Variants in ZFR2 observed in about 807,000 individuals in gnomAD.
The protein encoded by ZFR2 is zinc finger RNA-binding protein 2.
Under a neutral mutation model 105.7 loss-of-function variants are expected in ZFR2, and 104 were observed. The observed-to-expected ratio is 0.98, with a 90% CI of 0.84 to 1.16. ZFR2 has a LOEUF of 1.16. Among genes scored for constraint, ZFR2 ranks in the 50% most tolerant of loss-of-function variants. The pLI, the probability that ZFR2 is intolerant of heterozygous loss-of-function variation, is 0.00. For missense variants in ZFR2, 1,425 were observed against 1,355.5 expected, an observed-to-expected ratio of 1.05 and a Z score of -0.80; for synonymous variants, 634 against 597.7, an observed-to-expected ratio of 1.06 and a Z score of -0.89.
intron 1 of ZFR2, chr19:3,852,280 C>T: frequency 3.3e-6 from 2 of 603,224 alleles, no homozygotes; most frequent in Non-Finnish European, 6.0e-6. Context: ...GGGTGGCTCT[C>T]CTGGCTGAGG....
At chr19:3,812,421 G>A (rs1027222843) in intron 14 of ZFR2, among the ~76,000 whole-genome samples, 4 of 152,114 alleles carry the variant, frequency 2.6e-5, no homozygotes, top group African/African-American at 9.7e-5. Flanking sequence ...ACCACGCTGG[G>A]CCTGGGGAGA....
chr19:3,810,647 G>T (rs895652113), intron 16 of ZFR2, 103 bp downstream of exon 16: 6 of 1,147,502 alleles, frequency 5.2e-6, no homozygotes, highest in Non-Finnish European at 7.2e-6. Context: ...TCTCCCGCCG[G>T]CTCCTTCGAG....
At chr19:3,853,150 C>G (rs1312504373) in intron 1 of ZFR2, among the ~76,000 whole-genome samples, 1 of 152,126 alleles carries the variant, frequency 6.6e-6, no homozygotes. Context: ...AGGCTGGGGT[C>G]CCTGGGGCTG....
intron 1 of ZFR2, among the ~76,000 whole-genome samples, chr19:3,862,870 C>T (rs1465783295): frequency 6.6e-6 from 1 of 152,210 alleles, no homozygotes; most frequent in South Asian, 2.1e-4. Context: ...GTTCCCCCCT[C>T]GCTCCTCCAG....
intron 8 of ZFR2, 82 bp from the exon 9 acceptor site, chr19:3,822,282 A>G: frequency 6.6e-7 from 1 of 1,526,678 alleles, no homozygotes; most frequent in Non-Finnish European, 8.9e-7. Context: ...GTCGCGGCGG[A>G]GCCTTCCTCC....
rs764709576 is a variant in ZFR2, at chr19:3,811,267, CT to C, written c.2337+4del. 7.6e-6 allele frequency: 12 copies of C among 1,580,882 alleles called. No individual in the cohort carries two copies. Among genetic ancestry groups the C allele is most frequent in the Non-Finnish European group, 8.6e-6 (10 of 1,164,838 alleles). On this transcript the variant is annotated splice_donor_region_variant and intron_variant, in intron 15 of 18. Coordinates refer to ENST00000262961, the MANE Select transcript of ZFR2 (RefSeq NM_015174.2). ...CTCCCCCTGCTCCACCCCTGCCCCC[CT>C]GACCTGAAACCACCTGGCATGACGG... is the stretch of plus-strand genomic sequence containing the variant.
intron 12 of ZFR2, among the ~76,000 whole-genome samples, chr19:3,818,183 A>G (rs2037846384): frequency 6.6e-6 from 1 of 152,242 alleles, no homozygotes; most frequent in Non-Finnish European, 1.5e-5. Context: ...ACAATAGAGA[A>G]GCATTCAAAG....
At position 3,827,518 on chromosome 19, in the gene ZFR2, C is replaced by G; in HGVS notation, c.988G>C (p.Gly330Arg). The change falls in exon 6 of 19, where the codon GGG becomes CGG. Residue 330 changes from glycine to arginine, a missense_variant. Transcript: ENST00000262961. ...HCDLCAVSCT[G>R]ADAYAAHIRG... ...ATGTGGGCCGCGTAGGCGTCCGCCC[C>G]GGTGCAGGACACGGCGCACAGGTCG... 1 of 1,558,300 alleles carries G rather than the reference C, an allele frequency of 6.4e-7. No homozygotes were observed. The highest frequency in any genetic ancestry group is 8.7e-7 in the Non-Finnish European group (1 of 1,151,894).
At position 3,851,590 on chromosome 19, in the gene ZFR2, G is replaced by A. The variant is rs1389125504; in HGVS notation, c.54-16607C>T. 2.0e-5 allele frequency among the ~76,000 whole-genome samples: 3 copies of A among 152,204 alleles called. No individual in the cohort carries two copies. In the South Asian group the frequency reaches 6.2e-4, roughly 31 times the overall value. ...TTCATGGGTCTCACACCCACTCTCA[G>A]GGGAGACCATGGCCTGGCAGAGCCC... On this transcript the variant is annotated intron_variant, in intron 1 of 18. Coordinates refer to ENST00000262961, the MANE Select transcript of ZFR2 (RefSeq NM_015174.2).
chr19:3,839,536 C>CAA lies in ZFR2; in HGVS notation c.54-4555_54-4554dup, dbSNP rs60712587. ...CCTGGGTGACAGAGCGGGATTCTGT[C>CAA]AAAAAAAAAAAAAAAAAAAAAAAAA... On this transcript the variant is annotated intron_variant, in intron 1 of 18. Transcript: ENST00000262961. Among the ~76,000 whole-genome samples the CAA allele has an allele frequency of 1.6e-3, 57 of 36,640 alleles. 5 individuals carry two copies. Among genetic ancestry groups the CAA allele is most frequent in the South Asian group, 3.7e-3 (2 of 536 alleles). 24.0% of individuals were successfully genotyped at this position (36,640 alleles called of 152,430 possible).
chr19:3,823,336 C>G lies in ZFR2; in HGVS notation c.1281G>C (p.Glu427Asp). Residue 427 changes from glutamate (E) to aspartate (D), a missense_variant, in exon 8 of 19, where the codon GAG (glutamate) becomes GAC (aspartate). Transcript: ENST00000262961. The surrounding 1 kb of genome is among the most constrained non-coding windows in gnomAD (Gnocchi z 5.4). ...QWGKPAQPKL[E>D]GPGAPTQGGS... ...CTCCTTGGGTAGGTGCTCCGGGACC[C>G]TCTAATTTAGGTTGGGCTGGTTTCC... 1 of 1,613,988 alleles carries G rather than the reference C, an allele frequency of 6.2e-7. No homozygotes were observed. Among genetic ancestry groups the G allele is most frequent in the Non-Finnish European group, 8.5e-7 (1 of 1,179,858 alleles).
At chr19:3,810,713 T>A (rs2037753458) in intron 16 of ZFR2, 37 bp downstream of exon 16, 1 of 1,531,856 alleles carries the variant, frequency 6.5e-7, no homozygotes, top group Admixed American at 2.0e-5. Context: ...CCCTTGGGGG[T>A]CCCAGTGGAG....
At chr19:3,863,762 C>T (rs1380627473) in intron 1 of ZFR2, among the ~76,000 whole-genome samples, 5 of 152,192 alleles carry the variant, frequency 3.3e-5, no homozygotes, top group Non-Finnish European at 7.3e-5. Flanking sequence ...ACCACGGCTG[C>T]CTCTCTAGGC....
intron 1 of ZFR2, among the ~76,000 whole-genome samples, chr19:3,856,591 C>T (rs763815633): frequency 1.3e-4 from 20 of 152,142 alleles, no homozygotes; most frequent in Non-Finnish European, 2.4e-4. Context: ...AACCACTAAT[C>T]CATTTCCTGT....
At chr19:3,867,079 C>T (rs770993132) in intron 1 of ZFR2, among the ~76,000 whole-genome samples, 28 of 152,096 alleles carry the variant, frequency 1.8e-4, no homozygotes, top group Non-Finnish European at 3.4e-4. Context: ...CGCTCCACCG[C>T]GGGAAGCTGA....
chr19:3,828,457 T>C (rs982858733), intron 5 of ZFR2, among the ~76,000 whole-genome samples: 5 of 152,168 alleles, frequency 3.3e-5, no homozygotes, highest in East Asian at 1.9e-4. Context: ...GGCTGCTGTA[T>C]ACAGAAAATT....
At chr19:3,847,449 G>A (rs765793104) in intron 1 of ZFR2, among the ~76,000 whole-genome samples, 4 of 152,090 alleles carry the variant, frequency 2.6e-5, no homozygotes, top group Admixed American at 6.6e-5. Context: ...ACTTGAACCC[G>A]GGAGGCAGAG....
intron 14 of ZFR2, 141 bp from the exon 15 acceptor site, chr19:3,811,507 T>A (rs539576766): frequency 2.8e-6 from 2 of 708,972 alleles, no homozygotes; most frequent in Non-Finnish European, 2.3e-6. Context: ...CAGGCTGGAG[T>A]GCAGTGGCAT....
intron 16 of ZFR2, among the ~76,000 whole-genome samples, chr19:3,810,040 C>T (rs1049243064): frequency 6.6e-5 from 10 of 152,226 alleles, no homozygotes; most frequent in Non-Finnish European, 1.3e-4. Context: ...ATGCTGCATT[C>T]TGGACACTGG....
Sources: allele counts gnomAD v4.1 joint callset (sites outside exome capture counted in the v4.1 genomes callset), GRCh38; gene constraint gnomAD v4.1.1; non-coding constraint Gnocchi (gnomAD v3.1); transcripts MANE v1.5; gene names NCBI Gene and HGNC (gene_info 2026-07-23, HGNC 2026-07-21).